Variants in SACS observed in about 807,000 individuals in gnomAD.
The protein encoded by SACS is sacsin.
A neutral mutation model predicts 348.0 loss-of-function variants in SACS; 197 were observed. The ratio of observed to expected loss-of-function variants is 0.57; its 90% CI spans 0.50 to 0.64. SACS has a LOEUF of 0.64. Among genes scored for constraint, SACS ranks in the 30% least tolerant of loss-of-function variants. The pLI is 0.00. For missense variants in SACS, 4,999 were observed against 5,360.8 expected (o/e 0.93, Z 2.11); for synonymous variants, 1,985 against 1,910.6 (o/e 1.04, Z -1.02).
intron 7 of SACS, among the ~76,000 whole-genome samples, chr13:23,357,371 T>C (rs1870460727): frequency 1.3e-5 from 2 of 152,320 alleles, no homozygotes; most frequent in South Asian, 4.1e-4. Context: ...ATTTGTAATT[T>C]AGTCAATATT....
At chr13:23,411,031 A>G (rs988755395) in intron 2 of SACS, among the ~76,000 whole-genome samples, 189 bp downstream of exon 2, 1 of 152,220 alleles carries the variant, frequency 6.6e-6, no homozygotes, top group Admixed American at 6.5e-5. Flanking sequence ...AAGTCAAAGA[A>G]ATTATTTTTA....
chr13:23,419,450 C>G (rs1434437300), intron 1 of SACS: 1 of 152,290 alleles, frequency 6.6e-6, no homozygotes, highest in African/African-American at 2.4e-5. Flanking sequence ...GCCTGCAGTT[C>G]AGAGTCTCAA....
In SACS at chr13:23,336,534, A is replaced by C; in HGVS notation, c.7342T>G (p.Tyr2448Asp). 1 of 1,613,888 alleles carries C rather than the reference A, an allele frequency of 6.2e-7. No homozygotes were observed. The highest frequency in any genetic ancestry group is 8.5e-7 in the Non-Finnish European group (1 of 1,179,864). Residue 2448 changes from tyrosine (Y) to aspartate (D), a missense_variant, in exon 10 of 10, where the codon TAT becomes GAT. Physicochemically the swap from Tyr to Asp is radical, Grantham distance 160. This residue lies in a region of SACS where 3,156 missense variants were observed against 3,380.1 expected (regional missense o/e 0.93). Transcript: ENST00000382292. ...EKKQEFCEKNYGKILLPDTNL... is the reference protein window; with the variant it reads ...EKKQEFCEKNDGKILLPDTNL... ...GTATCTGGCAATAATATCTTGCCAT[A>C]ATTTTTCTCACAAAATTCTTGTTTC... is the stretch of plus-strand genomic sequence containing the variant.
chr13:23,398,204 A>T (rs7336426), intron 2 of SACS, among the ~76,000 whole-genome samples: 27,975 of 151,326 alleles, frequency 0.18, 2,648 homozygotes, highest in South Asian at 0.29. Context: ...AAAATAAAAT[A>T]AAATTAAATT....
intron 2 of SACS, among the ~76,000 whole-genome samples, chr13:23,402,303 A>C (rs1873013466): frequency 6.6e-6 from 1 of 152,180 alleles, no homozygotes; most frequent in East Asian, 1.9e-4. Flanking sequence ...ATAAATGATG[A>C]CAATGGTTTT....
At position 23,333,760 on chromosome 13, in the gene SACS, T is replaced by TG; in HGVS notation, c.10115dup (p.Thr3373AsnfsTer3). On this transcript the variant is annotated frameshift_variant, in exon 10 of 10. Coordinates refer to ENST00000382292, the MANE Select transcript of SACS (RefSeq NM_014363.6). LOFTEE classifies it high-confidence loss of function. Reference sequence around the variant, plus strand: ...CTACTAATTTTTCTGCTCTAAATGTTGAAGTTTGGACCATATAATGTAGAG... The same window carrying TG: ...CTACTAATTTTTCTGCTCTAAATGTTGGAAGTTTGGACCATATAATGTAGAG... The TG allele has an allele frequency of 6.2e-7, 1 of 1,613,872 alleles. No individual in the cohort carries two copies. Among genetic ancestry groups the TG allele is most frequent in the Non-Finnish European group, 8.5e-7 (1 of 1,179,812 alleles).
At chr13:23,405,029 T>C (rs950741940) in intron 2 of SACS, among the ~76,000 whole-genome samples, 46 of 152,200 alleles carry the variant, frequency 3.0e-4, no homozygotes, top group Non-Finnish European at 7.4e-5. Context: ...AAGCTACCAT[T>C]GATTTTCTTC....
chr13:23,375,086 G>C (rs755727990), intron 3 of SACS, 33 bp downstream of exon 3: 180 of 1,459,342 alleles, frequency 1.2e-4, no homozygotes, highest in Non-Finnish European at 1.6e-4. Context: ...CCGCGTGGCG[G>C]AGCCCAGCCC....
At chr13:23,352,181 C>A (rs1470352913) in intron 9 of SACS, among the ~76,000 whole-genome samples, 2 of 152,178 alleles carry the variant, frequency 1.3e-5, no homozygotes, top group African/African-American at 2.4e-5. Flanking sequence ...AAATCCACAT[C>A]CACCTTAGAA....
At position 23,341,675 on chromosome 13, in the gene SACS, T is replaced by G. The variant is rs1213212074; in HGVS notation, c.2201A>C (p.Gln734Pro). The change falls in exon 10 of 10, where the codon CAG becomes CCG. Residue 734 changes from glutamine to proline, a missense_variant. By Grantham distance (76) the Gln-to-Pro change is moderately conservative. This residue lies in a region of SACS where 3,156 missense variants were observed against 3,380.1 expected (regional missense o/e 0.93). Transcript: ENST00000382292. ...AAQTRGRPCTQLQLLNPERFA... is the reference protein window; with the variant it reads ...AAQTRGRPCTPLQLLNPERFA... ...TCGTTCTGGATTTAGAAGCTGCAGC[T>G]GAGTACATGGTCTTCCTGTAAATCA... 3.7e-6 allele frequency: 6 copies of G among 1,612,762 alleles called. No homozygotes were observed. Among genetic ancestry groups the G allele is most frequent in the Non-Finnish European group, 5.1e-6 (6 of 1,179,824 alleles).
chr13:23,378,535 G>C (rs778776523), intron 2 of SACS, among the ~76,000 whole-genome samples: 4 of 152,016 alleles, frequency 2.6e-5, no homozygotes, highest in African/African-American at 9.7e-5. Flanking sequence ...CTGCATCCTG[G>C]GTTCAAGCAA....
rs749386872 is a variant in SACS at position 23,333,038 on chromosome 13, G to GTATTAGCCC, written c.10829_10837dup (p.Arg3610_Asn3612dup). The GTATTAGCCC allele has an allele frequency of 1.2e-6, 2 of 1,613,978 alleles. No homozygotes were observed. Among genetic ancestry groups the GTATTAGCCC allele is most frequent in the East Asian group, 4.5e-5 (2 of 44,876 alleles). ...CAATGTTTCTTTGGACCAGTTTTCT[G>GTATTAGCCC]TATTAGCCCTCACACTGATTTCCTT... On this transcript the variant is annotated inframe_insertion, in exon 10 of 10. Coordinates refer to ENST00000382292, the MANE Select transcript of SACS (RefSeq NM_014363.6).
At chr13:23,379,271 T>C (rs1871943704) in intron 2 of SACS, among the ~76,000 whole-genome samples, 1 of 152,152 alleles carries the variant, frequency 6.6e-6, no homozygotes, top group Non-Finnish European at 1.5e-5. Flanking sequence ...CTGGGAGGTG[T>C]TCCTCTCCTG....
chr13:23,384,747 T>G (rs1593166388), intron 2 of SACS, among the ~76,000 whole-genome samples: 1 of 152,302 alleles, frequency 6.6e-6, no homozygotes, highest in South Asian at 2.1e-4. Context: ...TTGGCATTCA[T>G]GCAGGATCTA....
intron 2 of SACS, among the ~76,000 whole-genome samples, chr13:23,395,582 C>T (rs1393938089): frequency 6.6e-6 from 1 of 152,118 alleles, no homozygotes; most frequent in Non-Finnish European, 1.5e-5. Flanking sequence ...TCAAGCCTCC[C>T]ACCTCCCTAC....
At chr13:23,398,985 C>A (rs1872831098) in intron 2 of SACS, among the ~76,000 whole-genome samples, 4 of 118,082 alleles carry the variant, frequency 3.4e-5, no homozygotes, top group African/African-American at 3.1e-5. Flanking sequence ...TGCGCCACTG[C>A]ATTTCAGTCT....
intron 2 of SACS, among the ~76,000 whole-genome samples, chr13:23,380,828 G>A (rs1872023567): frequency 6.6e-6 from 1 of 152,184 alleles, no homozygotes; most frequent in Non-Finnish European, 1.5e-5. Context: ...TTACCCTGAA[G>A]AAAAGATGAC....
At position 23,340,575 on chromosome 13, in the gene SACS, T is replaced by C. The variant is rs1436821933; in HGVS notation, c.3301A>G (p.Lys1101Glu). 6.2e-7 allele frequency: 1 copy of C among 1,613,618 alleles called. No homozygotes were observed. The highest frequency in any genetic ancestry group is 8.5e-7 in the Non-Finnish European group (1 of 1,179,924). ...TTTTTTGCCACTTGCACAACATCCTTTTCTTTGAGACTGGCTTCGTTTTTT... is the reference window on the plus strand; with the variant it reads ...TTTTTTGCCACTTGCACAACATCCTCTTCTTTGAGACTGGCTTCGTTTTTT... The part of the protein sequence containing the change: ...GLKNEASLKE[K>E]DVVQVAKKIE... Residue 1101 changes from lysine to glutamate, a missense_variant, in exon 10 of 10, where the codon AAG becomes GAG. Lys to Glu is a moderately conservative substitution (Grantham distance 56). Around this residue, in one of 6 missense-constraint regions of SACS, gnomAD observed 3,156 missense variants for 3,380.1 expected, o/e 0.93. Coordinates refer to ENST00000382292, the MANE Select transcript of SACS (RefSeq NM_014363.6).
At chr13:23,416,776 G>C (rs1364111521) in intron 1 of SACS, among the ~76,000 whole-genome samples, 1 of 151,716 alleles carries the variant, frequency 6.6e-6, no homozygotes, top group Non-Finnish European at 1.5e-5. Flanking sequence ...AAAGTAGAAG[G>C]GAACTTTTTT....
Sources: allele counts gnomAD v4.1 joint callset (sites outside exome capture counted in the v4.1 genomes callset), GRCh38; gene constraint gnomAD v4.1.1; regional missense constraint gnomAD v4.1.1; transcripts MANE v1.5; gene names NCBI Gene and HGNC (gene_info 2026-07-23, HGNC 2026-07-21).